The following NAXD variants were observed in gnomAD, a reference collection of about 807,000 sequenced individuals.
NAXD encodes the protein ATP-dependent (S)-NAD(P)H-hydrate dehydratase.
NAXD carries 22 observed loss-of-function variants against 35.8 expected under a neutral mutation model. That is an observed-to-expected ratio of 0.62 (90% CI 0.44 to 0.88). The LOEUF is 0.88. Among genes scored for constraint, NAXD ranks in the 40% least tolerant of loss-of-function variants. NAXD has a pLI of 0.00. For missense variants in NAXD, 428 were observed against 437.7 expected (o/e 0.98, Z 0.20); for synonymous variants, 189 against 177.6 (o/e 1.06, Z -0.51).
At position 110,625,213 on chromosome 13, in the gene NAXD, C is replaced by G; in HGVS notation, c.267C>G (p.Phe89Leu). 1 of 1,613,986 alleles carries G rather than the reference C, an allele frequency of 6.2e-7. No individual in the cohort carries two copies. The highest frequency in any genetic ancestry group is 8.5e-7 in the Non-Finnish European group (1 of 1,179,908). ...AGGGCGCAGACTTGTCCCACGTGTT[C>G]TGTGCCAGTGCGGCCGCACCTGTGA... ...LKVGADLSHV[F>L]CASAAAPVIK... The change falls in exon 4 of 10, where the codon TTC (phenylalanine) becomes TTG (leucine). Residue 89 changes from phenylalanine (F) to leucine (L), a missense_variant. Around this residue, in one of 3 missense-constraint regions of NAXD, gnomAD observed 208 missense variants for 193.0 expected, o/e 1.08. Coordinates refer to ENST00000680254, the MANE Select transcript of NAXD (RefSeq NM_001242882.2).
rs921496694 is a variant in NAXD, at chr13:110,638,489, C to A, written c.951C>A (p.Ala317=). 1.9e-6 allele frequency: 3 copies of A among 1,612,878 alleles called. No individual in the cohort carries two copies. Among genetic ancestry groups the A allele is most frequent in the Non-Finnish European group, 2.5e-6 (3 of 1,179,896 alleles). Residue 317 remains alanine (A), a synonymous_variant, in exon 10 of 10, where the codon GCC becomes GCA. Transcript: ENST00000680254. The surrounding 1 kb of genome is among the most constrained non-coding windows in gnomAD (Gnocchi z 5.4). ...CCACCACCACCTCCGACATGATCGC[C>A]GAGGTGGGGGCCGCCTTCAGCAAGC... The part of the protein sequence containing the change: ...GRSTTTSDMI[A]EVGAAFSKLF...
In NAXD at chr13:110,638,434, A is replaced by G; in HGVS notation, c.896A>G (p.Asn299Ser). 6.2e-7 allele frequency: 1 copy of G among 1,613,520 alleles called. No individual in the cohort carries two copies. The highest frequency in any genetic ancestry group is 8.5e-7 in the Non-Finnish European group (1 of 1,180,006). Reference sequence around the variant, plus strand: ...GCCTGCTCTCTCACCAGGCAGTGCAACCACCAAGCCTTCCAGAAGCACGGT... The same window carrying G: ...GCCTGCTCTCTCACCAGGCAGTGCAGCCACCAAGCCTTCCAGAAGCACGGT... The part of the protein sequence containing the change: ...FGACSLTRQC[N>S]HQAFQKHGRS... Residue 299 changes from asparagine (N) to serine (S), a missense_variant, in exon 10 of 10, where the codon AAC becomes AGC. Transcript: ENST00000680254. The surrounding 1 kb of genome is among the most constrained non-coding windows in gnomAD (Gnocchi z 5.4).
chr13:110,627,321 A>G, intron 4 of NAXD, 118 bp from the exon 5 acceptor site: 1 of 685,796 alleles, frequency 1.5e-6, no homozygotes. Flanking sequence ...TACAGAAATT[A>G]TTTAAAAGTC....
Position 110,625,281 on chromosome 13 carries a change from G to A in NAXD, c.332+3G>A. 6.2e-7 allele frequency: 1 copy of A among 1,606,560 alleles called. No homozygotes were observed. Among genetic ancestry groups the A allele is most frequent in the South Asian group, 1.1e-5 (1 of 90,934 alleles). Reference sequence around the variant, plus strand: ...GAGCTGATCGTCCACCCAGTTCTGTGAGTCGCTCTGCGCCGGCTTCTCGTA... The same window carrying A: ...GAGCTGATCGTCCACCCAGTTCTGTAAGTCGCTCTGCGCCGGCTTCTCGTA... On this transcript the variant is annotated splice_donor_region_variant and intron_variant, in intron 4 of 9. Coordinates refer to ENST00000680254, the MANE Select transcript of NAXD (RefSeq NM_001242882.2).
At chr13:110,637,024 G>A in intron 8 of NAXD, 105 bp from the exon 9 acceptor site, 1 of 1,337,492 alleles carries the variant, frequency 7.5e-7, no homozygotes, top group Non-Finnish European at 1.0e-6. Context: ...GGCTGCTCCT[G>A]GAGGGTGTGG....
At chr13:110,630,046 T>C (rs1886647655) in intron 5 of NAXD, among the ~76,000 whole-genome samples, 1 of 152,164 alleles carries the variant, frequency 6.6e-6, no homozygotes, top group Non-Finnish European at 1.5e-5. Flanking sequence ...TGTTTTGTTT[T>C]TGAGACATAT....
chr13:110,623,020 C>T (rs1226672235), intron 2 of NAXD, among the ~76,000 whole-genome samples: 1 of 152,162 alleles, frequency 6.6e-6, no homozygotes, highest in Non-Finnish European at 1.5e-5. Context: ...GGTGACGCTG[C>T]CGAATTGTCC....
chr13:110,615,737 G>T, intron 1 of NAXD, 90 bp downstream of exon 1: 1 of 1,494,474 alleles, frequency 6.7e-7, no homozygotes, highest in Non-Finnish European at 8.9e-7. Flanking sequence ...CATTGCTCTC[G>T]GCCGCACTCG....
At chr13:110,637,682 C>G in intron 9 of NAXD, 1 of 447,222 alleles carries the variant, frequency 2.2e-6, no homozygotes, top group Non-Finnish European at 4.5e-6. Flanking sequence ...TGGCCCAGTT[C>G]TGTAGTCAGA....
At position 110,628,918 on chromosome 13, in the gene NAXD, G is replaced by T. The variant is rs1230225236; in HGVS notation, c.441+1371G>T. ...AATTTAAGTTCACAATTTAAAAACT[G>T]GTATCTTAAAAAACCACTGTACTGC... On this transcript the variant is annotated intron_variant, in intron 5 of 9. Coordinates refer to ENST00000680254, the MANE Select transcript of NAXD (RefSeq NM_001242882.2). The surrounding 1 kb of genome is among the most constrained non-coding windows in gnomAD (Gnocchi z 4.1). 1.3e-5 allele frequency among the ~76,000 whole-genome samples: 2 copies of T among 150,122 alleles called. No individual in the cohort carries two copies. The highest frequency in any genetic ancestry group is 2.5e-5 in the African/African-American group (1 of 39,452).
chr13:110,635,356 T>C, intron 7 of NAXD, 112 bp from the exon 8 acceptor site: 5 of 1,294,986 alleles, frequency 3.9e-6, no homozygotes, highest in Non-Finnish European at 5.4e-6. Flanking sequence ...GGTGCCTGGG[T>C]GATCCCTTTA....
chr13:110,615,777 AC>A, intron 1 of NAXD, 130 bp downstream of exon 1: 1 of 1,374,048 alleles, frequency 7.3e-7, no homozygotes, highest in Non-Finnish European at 9.4e-7. Context: ...GGACGCAGGT[AC>A]CCGACCGCTG....
At position 110,639,673 on chromosome 13, in the gene NAXD, G is replaced by GTGT. The variant is rs1231001840; in HGVS notation, c.*1147_*1149dup. On this transcript the variant is annotated 3_prime_UTR_variant, in exon 10 of 10. Transcript: ENST00000680254. Reference sequence around the variant, plus strand: ...TTTCGTGCCTGACGCGTGCATTAGGGTGTTCTCTTATACTTTCAGTAGCAT... The same window carrying GTGT: ...TTTCGTGCCTGACGCGTGCATTAGGGTGTTGTTCTCTTATACTTTCAGTAGCAT... 2.0e-5 allele frequency: 3 copies of GTGT among 152,120 alleles called. No homozygotes were observed. The highest frequency in any genetic ancestry group is 7.2e-5 in the African/African-American group (3 of 41,404). 9.4% of individuals were successfully genotyped at this position (152,120 alleles called of 1,614,324 possible). A position where few individuals can be genotyped will look rare whatever the true frequency, so the allele number is the denominator to read the frequency against.
intron 5 of NAXD, among the ~76,000 whole-genome samples, chr13:110,629,298 A>G (rs1886620385): frequency 6.6e-6 from 1 of 152,174 alleles, no homozygotes; most frequent in Non-Finnish European, 1.5e-5. Flanking sequence ...ATGGTTTTTT[A>G]AAAACGACTT....
chr13:110,633,403 G>C (rs1487800444), intron 5 of NAXD, among the ~76,000 whole-genome samples: 2 of 152,196 alleles, frequency 1.3e-5, no homozygotes, highest in Non-Finnish European at 2.9e-5. Context: ...GTTCCCGCTC[G>C]CGCCTCTCCC....
At chr13:110,629,360 C>A (rs1378868465) in intron 5 of NAXD, among the ~76,000 whole-genome samples, 1 of 152,158 alleles carries the variant, frequency 6.6e-6, no homozygotes, top group African/African-American at 2.4e-5. Flanking sequence ...GTGAACTATG[C>A]GGTGGCTTCA....
rs1886586178 is a variant in NAXD, at chr13:110,628,588, T to C, written c.441+1041T>C. Reference sequence around the variant, plus strand: ...AGCCAGCAGTGCAGGATGAGTCATCTGAGGGGCAGGCAGACGCAGGCTGAC... The same window carrying C: ...AGCCAGCAGTGCAGGATGAGTCATCCGAGGGGCAGGCAGACGCAGGCTGAC... On this transcript the variant is annotated intron_variant, in intron 5 of 9. Coordinates refer to ENST00000680254, the MANE Select transcript of NAXD (RefSeq NM_001242882.2). This position sits in a 1 kb window ranked among gnomAD's most constrained non-coding sequence, Gnocchi z 4.1. Among the ~76,000 whole-genome samples, 1 of 152,062 alleles carries C rather than the reference T, an allele frequency of 6.6e-6. No homozygotes were observed. The highest frequency in any genetic ancestry group is 1.5e-5 in the Non-Finnish European group (1 of 68,004).
At chr13:110,616,702 A>T (rs1375869497) in intron 1 of NAXD, among the ~76,000 whole-genome samples, 1 of 152,222 alleles carries the variant, frequency 6.6e-6, no homozygotes, top group East Asian at 1.9e-4. Flanking sequence ...TAGTTCGTGT[A>T]TATCTCATTT....
intron 8 of NAXD, 65 bp downstream of exon 8, chr13:110,635,653 AT>A: frequency 6.3e-7 from 1 of 1,587,428 alleles, no homozygotes; most frequent in Non-Finnish European, 8.6e-7. Context: ...CACACCGAGC[AT>A]GAGCCCTGGA....
Sources: allele counts gnomAD v4.1 joint callset (sites outside exome capture counted in the v4.1 genomes callset), GRCh38; gene constraint gnomAD v4.1.1; regional missense constraint gnomAD v4.1.1; non-coding constraint Gnocchi (gnomAD v3.1); transcripts MANE v1.5; gene names NCBI Gene and HGNC (gene_info 2026-07-23, HGNC 2026-07-21).